RAPGEF6: variants seen among roughly 807,000 people sequenced by gnomAD.
The protein encoded by RAPGEF6 is PDZ domain containing guanine nucleotide exchange factor (GEF) 2.
RAPGEF6 carries 56 observed loss-of-function variants against 171.4 expected under a neutral mutation model. The observed-to-expected ratio is 0.33, with a 90% confidence interval of 0.26 to 0.41. RAPGEF6 has a LOEUF of 0.41. Ranked by LOEUF, RAPGEF6 falls within the 10% of genes least tolerant of loss-of-function variation. The pLI is 1.00. For synonymous variants in RAPGEF6, 692 were observed against 650.1 expected (o/e 1.06, Z -0.98); for missense variants, 1,674 against 1,921.4 (o/e 0.87, Z 2.41).
intron 6 of RAPGEF6, among the ~76,000 whole-genome samples, chr5:131,525,307 A>T (rs1337003376): frequency 1.5e-5 from 2 of 132,874 alleles, no homozygotes; most frequent in African/African-American, 2.9e-5. Flanking sequence ...AAAGACTGAA[A>T]CCAGGGAATA....
At chr5:131,479,374 T>C in intron 16 of RAPGEF6, 139 bp downstream of exon 16, 6 of 817,564 alleles carry the variant, frequency 7.3e-6, no homozygotes, top group South Asian at 2.0e-5. Context: ...AATGTATTCT[T>C]ATTTGAGTAC....
At chr5:131,579,030 T>A (rs1217380537) in intron 4 of RAPGEF6, among the ~76,000 whole-genome samples, 1 of 152,210 alleles carries the variant, frequency 6.6e-6, no homozygotes, top group East Asian at 1.9e-4. Flanking sequence ...GTCCAGAGTT[T>A]GTTCCTTCTG....
At chr5:131,597,255 T>A (rs1472758741) in intron 3 of RAPGEF6, among the ~76,000 whole-genome samples, 1 of 151,644 alleles carries the variant, frequency 6.6e-6, no homozygotes. Context: ...GGAACACTTA[T>A]ACACTGTTGG....
chr5:131,449,908 C>A, intron 21 of RAPGEF6: 1 of 1,155,150 alleles, frequency 8.7e-7, no homozygotes. Context: ...GGAATGTAGG[C>A]TGACAGGGTT....
intron 1 of RAPGEF6, among the ~76,000 whole-genome samples, chr5:131,622,228 T>G (rs1765635593): frequency 6.6e-6 from 1 of 152,214 alleles, no homozygotes; most frequent in Non-Finnish European, 1.5e-5. Context: ...TTTGGCTTCT[T>G]AACTTGAGAA....
rs750816978 is a variant in RAPGEF6 at position 131,479,501 on chromosome 5, G to A, written c.2081+12C>T. The A allele has an allele frequency of 1.2e-5, 19 of 1,612,142 alleles. No homozygotes were observed. The Admixed American group carries it at 1.7e-4, about 14-fold the overall frequency. On this transcript the variant is annotated intron_variant, in intron 16 of 27. Coordinates refer to ENST00000509018, the MANE Select transcript of RAPGEF6 (RefSeq NM_016340.6). ...TGAAAATTCCTGCATAGCTAAGATCGGCATTACCTACCTAAATAGCTTTGG... is the reference window on the plus strand; with the variant it reads ...TGAAAATTCCTGCATAGCTAAGATCAGCATTACCTACCTAAATAGCTTTGG...
intron 13 of RAPGEF6, among the ~76,000 whole-genome samples, chr5:131,493,054 T>C (rs1408186128): frequency 1.6e-4 from 3 of 18,852 alleles, no homozygotes; most frequent in East Asian, 1.4e-3. Context: ...TTTATTTATT[T>C]ATTTATTTAT....
rs1756591453 is a variant in RAPGEF6 at position 131,495,591 on chromosome 5, G to A, written c.1489C>T (p.Arg497Ter). Residue 497 changes from arginine to a stop codon, truncating the protein, a stop_gained, in exon 13 of 28, where the codon CGA becomes TGA. Coordinates refer to ENST00000509018, the MANE Select transcript of RAPGEF6 (RefSeq NM_016340.6). LOFTEE classifies it high-confidence loss of function. ...TTTTTTTCAAATTCCTCTAGAAATCGAGTCATAGCAGGGTCACCTTCAAAA... is the reference window on the plus strand; with the variant it reads ...TTTTTTTCAAATTCCTCTAGAAATCAAGTCATAGCAGGGTCACCTTCAAAA... The part of the protein sequence containing the change: ...NDFEGDPAMT[R>*]FLEEFEKNLE... 1 of 1,613,500 alleles carries A rather than the reference G, an allele frequency of 6.2e-7. No homozygotes were observed. The highest frequency in any genetic ancestry group is 8.5e-7 in the Non-Finnish European group (1 of 1,179,684).
chr5:131,506,409 C>A (rs1283611160), intron 9 of RAPGEF6, among the ~76,000 whole-genome samples: 1 of 152,166 alleles, frequency 6.6e-6, no homozygotes, highest in African/African-American at 2.4e-5. Flanking sequence ...GGACTACAAG[C>A]ATGAGCCACT....
At chr5:131,534,518 T>C (rs1212350600) in intron 6 of RAPGEF6, among the ~76,000 whole-genome samples, 1 of 151,528 alleles carries the variant, frequency 6.6e-6, no homozygotes, top group African/African-American at 2.4e-5. Flanking sequence ...AATATAAAAT[T>C]AAATCTCACA....
At chr5:131,586,493 TG>T (rs562307424) in intron 4 of RAPGEF6, among the ~76,000 whole-genome samples, 1 of 152,138 alleles carries the variant, frequency 6.6e-6, no homozygotes, top group Non-Finnish European at 1.5e-5. Flanking sequence ...TAGTTGGGCG[TG>T]GTGTCACGCA....
intron 6 of RAPGEF6, among the ~76,000 whole-genome samples, chr5:131,539,896 C>T (rs908683938): frequency 6.6e-6 from 1 of 152,158 alleles, no homozygotes; most frequent in Non-Finnish European, 1.5e-5. Flanking sequence ...TAGATTCTAG[C>T]GTGTCACATC....
chr5:131,496,466 AT>A (rs967939845), intron 12 of RAPGEF6, among the ~76,000 whole-genome samples: 8 of 152,148 alleles, frequency 5.3e-5, no homozygotes, highest in African/African-American at 1.9e-4. Context: ...GTTCTGGAAC[AT>A]TTTCATCACT....
intron 6 of RAPGEF6, chr5:131,532,094 T>C (rs906532360): frequency 1.4e-5 from 6 of 434,866 alleles, no homozygotes; most frequent in African/African-American, 1.2e-4. Flanking sequence ...AAATAACAAT[T>C]ACTTACTTTG....
At chr5:131,570,922 CA>C (rs1237631596) in intron 4 of RAPGEF6, among the ~76,000 whole-genome samples, 2 of 150,922 alleles carry the variant, frequency 1.3e-5, no homozygotes, top group African/African-American at 2.4e-5. Flanking sequence ...TCCAACTCCC[CA>C]CGTCTTCATC....
chr5:131,570,020 G>A (rs1762178994), intron 4 of RAPGEF6, among the ~76,000 whole-genome samples: 2 of 115,818 alleles, frequency 1.7e-5, no homozygotes, highest in Admixed American at 2.5e-4. Flanking sequence ...CCAACCTGCG[G>A]AGCAGAGCAA....
intron 1 of RAPGEF6, among the ~76,000 whole-genome samples, chr5:131,621,723 A>C (rs977114932): frequency 2.0e-5 from 3 of 152,326 alleles, no homozygotes; most frequent in African/African-American, 7.2e-5. Context: ...TGTTCAGCAC[A>C]GGCACAACGA....
chr5:131,513,476 A>T (rs1331718240), intron 7 of RAPGEF6, among the ~76,000 whole-genome samples: 1 of 152,138 alleles, frequency 6.6e-6, no homozygotes, highest in Non-Finnish European at 1.5e-5. Flanking sequence ...CATATTTTAG[A>T]TTATGTTGGA....
At chr5:131,601,971 C>G (rs1040269529) in intron 3 of RAPGEF6, among the ~76,000 whole-genome samples, 2 of 148,834 alleles carry the variant, frequency 1.3e-5, no homozygotes, top group African/African-American at 4.9e-5. Flanking sequence ...GGAGGCGGAG[C>G]TTGCAGTGAG....
Sources: allele counts gnomAD v4.1 joint callset (sites outside exome capture counted in the v4.1 genomes callset), GRCh38; gene constraint gnomAD v4.1.1; transcripts MANE v1.5; gene names NCBI Gene and HGNC (gene_info 2026-07-23, HGNC 2026-07-21).